The following TWIST2 variants were observed in gnomAD, a reference collection of about 807,000 sequenced individuals.
TWIST2 encodes twist-related protein 2.
A neutral mutation model predicts 11.6 loss-of-function variants in TWIST2; 1 was observed. The observed-to-expected ratio is 0.09, with a 90% confidence interval of 0.03 to 0.41. TWIST2 has a LOEUF of 0.41. Ranked by LOEUF, TWIST2 falls within the 10% of genes least tolerant of loss-of-function variation. The pLI, the probability that TWIST2 is intolerant of heterozygous loss-of-function variation, is 0.98. For synonymous variants in TWIST2, 87 were observed against 96.6 expected (o/e 0.90, Z 0.58); for missense variants, 168 against 226.4 (o/e 0.74, Z 1.66).
chr2:238,885,762 G>A (rs1247943812), intron 1 of TWIST2, among the ~76,000 whole-genome samples: 1 of 152,176 alleles, frequency 6.6e-6, no homozygotes, highest in Non-Finnish European at 1.5e-5. Context: ...AAGTATATTT[G>A]TAATCTCAGT....
At chr2:238,892,382 A>T (rs1053259643) in intron 1 of TWIST2, among the ~76,000 whole-genome samples, 3 of 152,122 alleles carry the variant, frequency 2.0e-5, no homozygotes, top group Non-Finnish European at 4.4e-5. Flanking sequence ...ACCAGCCAGG[A>T]CCTTCCCCAG....
chr2:238,901,649 C>T (rs894577517), intron 1 of TWIST2, among the ~76,000 whole-genome samples: 2,370 of 152,228 alleles, frequency 0.016, 62 homozygotes, highest in African/African-American at 0.054. Flanking sequence ...CTGGTTGACT[C>T]GGGGTGGCTG....
intron 1 of TWIST2, among the ~76,000 whole-genome samples, chr2:238,857,906 C>A (rs1287048322): frequency 2.0e-5 from 3 of 152,146 alleles, no homozygotes; most frequent in Non-Finnish European, 4.4e-5. Context: ...CACTGCACTC[C>A]AGCCTGAGCG....
chr2:238,909,288 C>T (rs1693413665), intron 1 of TWIST2, among the ~76,000 whole-genome samples: 1 of 151,502 alleles, frequency 6.6e-6, no homozygotes, highest in Non-Finnish European at 1.5e-5. Context: ...GTTGTCTTTG[C>T]AACTTCCCGT....
chr2:238,903,063 A>C (rs1188204596), intron 1 of TWIST2, among the ~76,000 whole-genome samples: 9 of 79,720 alleles, frequency 1.1e-4, no homozygotes, highest in Non-Finnish European at 1.6e-4. Context: ...TGTGTGTGTG[A>C]TGTAGTGTGT....
Position 238,864,604 on chromosome 2 carries a change from G to A in TWIST2, c.*35+15871G>A, listed in dbSNP as rs1279255396. The stretch of plus-strand genomic sequence containing the variant: ...GGGCACCAGGCAGCCCACCCGGCCC[G>A]GCCAAGACCAGCAGGACAGGGGCCC... On this transcript the variant is annotated intron_variant, in intron 1 of 1. Coordinates refer to ENST00000612363, the MANE Select transcript of TWIST2 (RefSeq NM_001271893.4). This position sits in a 1 kb window ranked among gnomAD's most constrained non-coding sequence, Gnocchi z 4.7. Among the ~76,000 whole-genome samples the A allele has an allele frequency of 3.3e-5, 5 of 152,160 alleles. No homozygotes were observed. The highest frequency in any genetic ancestry group is 1.9e-4 in the East Asian group (1 of 5,174).
chr2:238,878,933 T>C (rs1692856052), intron 1 of TWIST2, among the ~76,000 whole-genome samples: 1 of 152,162 alleles, frequency 6.6e-6, no homozygotes, highest in African/African-American at 2.4e-5. Context: ...ACTCAGATAA[T>C]TAAACATACC....
intron 1 of TWIST2, among the ~76,000 whole-genome samples, chr2:238,895,341 T>C (rs1693194596): frequency 6.6e-6 from 1 of 152,218 alleles, no homozygotes; most frequent in Admixed American, 6.5e-5. Flanking sequence ...GGCCCCATTC[T>C]CTCCATGTCT....
At chr2:238,860,784 A>G (rs1433133204) in intron 1 of TWIST2, among the ~76,000 whole-genome samples, 1 of 152,188 alleles carries the variant, frequency 6.6e-6, no homozygotes, top group Non-Finnish European at 1.5e-5. Flanking sequence ...CCAAAAATAC[A>G]AAAATTAGCC....
At chr2:238,902,977 G>GGGTGTGTGA (rs1432565870) in intron 1 of TWIST2, among the ~76,000 whole-genome samples, 1 of 4,176 alleles carries the variant, frequency 2.4e-4, no homozygotes, top group African/African-American at 9.3e-4. Context: ...TGTGTGTGAT[G>GGGTGTGTGA]TGGGTGTGTG....
chr2:238,848,407 G>T lies in TWIST2; in HGVS notation c.192G>T (p.Leu64=). 6.5e-7 allele frequency: 1 copy of T among 1,537,632 alleles called. No individual in the cohort carries two copies. ...GSPSAQSFEE[L]QSQRILANVR... The stretch of plus-strand genomic sequence containing the variant: ...CCAGCGCGCAGTCCTTCGAGGAGCT[G>T]CAGAGCCAGCGCATCCTGGCCAACG... The change falls in exon 1 of 2, where the codon CTG becomes CTT. Residue 64 remains leucine (L), a synonymous_variant. Transcript: ENST00000612363.
At chr2:238,851,535 T>C (rs998162375) in intron 1 of TWIST2, among the ~76,000 whole-genome samples, 4 of 152,100 alleles carry the variant, frequency 2.6e-5, no homozygotes, top group Non-Finnish European at 1.5e-5. Flanking sequence ...TTCTGCATAG[T>C]GTGCACAGAT....
rs1375027053 is a variant in TWIST2, at chr2:238,867,664, G to C, written c.*35+18931G>C. Among the ~76,000 whole-genome samples, 1 of 152,154 alleles carries C rather than the reference G, an allele frequency of 6.6e-6. No homozygotes were observed. The highest frequency in any genetic ancestry group is 1.5e-5 in the Non-Finnish European group (1 of 68,026). Reference sequence around the variant, plus strand: ...GATCACAGAGGGGTGGCCGAGGCTGGGGCACAGGCTGGATGCAAGGCAGAT... The same window carrying C: ...GATCACAGAGGGGTGGCCGAGGCTGCGGCACAGGCTGGATGCAAGGCAGAT... On this transcript the variant is annotated intron_variant, in intron 1 of 1. Transcript: ENST00000612363. The surrounding 1 kb of genome is among the most constrained non-coding windows in gnomAD (Gnocchi z 4.8).
chr2:238,880,871 T>C lies in TWIST2; in HGVS notation c.*36-28971T>C, dbSNP rs1185972605. On this transcript the variant is annotated intron_variant, in intron 1 of 1. Coordinates refer to ENST00000612363, the MANE Select transcript of TWIST2 (RefSeq NM_001271893.4). ...CTAGTATTTATTAGTGTTAGTGTTA[T>C]TGTTAGTGTTAGTGTTGGTATTTAT... 9.6e-5 allele frequency among the ~76,000 whole-genome samples: 11 copies of C among 114,932 alleles called. No individual in the cohort carries two copies. In the South Asian group the frequency reaches 2.8e-3, roughly 29 times the overall value. The allele number at this position is 114,932 out of a possible 152,430, so 75.4% of individuals were successfully genotyped here.
At chr2:238,859,724 T>C (rs560919453) in intron 1 of TWIST2, among the ~76,000 whole-genome samples, 1 of 152,340 alleles carries the variant, frequency 6.6e-6, no homozygotes, top group South Asian at 2.1e-4. Flanking sequence ...TCAGCACTTA[T>C]CCAACTCTTC....
At chr2:238,876,298 G>A (rs1254743576) in intron 1 of TWIST2, among the ~76,000 whole-genome samples, 1 of 152,176 alleles carries the variant, frequency 6.6e-6, no homozygotes, top group Non-Finnish European at 1.5e-5. Context: ...TTGAAATTAG[G>A]AAGAATAAAA....
At chr2:238,906,590 GACAC>G (rs1262465413) in intron 1 of TWIST2, among the ~76,000 whole-genome samples, 8 of 151,812 alleles carry the variant, frequency 5.3e-5, no homozygotes, top group African/African-American at 9.7e-5. Context: ...CTTGCACATG[GACAC>G]ACACTCACTC....
rs751874652 is a variant in TWIST2, at chr2:238,867,411, A to ACACACACACACACACACACACACACT, written c.*35+18679_*35+18680insACACACACACACACACACACACACTC. On this transcript the variant is annotated intron_variant, in intron 1 of 1. Coordinates refer to ENST00000612363, the MANE Select transcript of TWIST2 (RefSeq NM_001271893.4). The surrounding 1 kb of genome is among the most constrained non-coding windows in gnomAD (Gnocchi z 4.8). ...CACACACACACACACACACACACAC[A>ACACACACACACACACACACACACACT]CTCCTCAGTAAAATACCCAGTTCTC... Among the ~76,000 whole-genome samples the ACACACACACACACACACACACACACT allele has an allele frequency of 6.9e-6, 1 of 144,892 alleles. No homozygotes were observed. The highest frequency in any genetic ancestry group is 1.5e-5 in the Non-Finnish European group (1 of 65,710).
chr2:238,868,858 T>G (rs912513660), intron 1 of TWIST2, among the ~76,000 whole-genome samples: 2 of 152,226 alleles, frequency 1.3e-5, no homozygotes, highest in African/African-American at 2.4e-5. Context: ...TGCAGGGGCT[T>G]GTGTCCATTT....
Sources: gnomAD v4.1 joint callset for allele counts (sites outside exome capture counted in the v4.1 genomes callset) on GRCh38, gnomAD v4.1.1 for gene constraint, Gnocchi (gnomAD v3.1) non-coding constraint, MANE v1.5 for transcripts, NCBI Gene and HGNC (gene_info 2026-07-23, HGNC 2026-07-21) for gene names.